Variants in TPRG1 observed in about 807,000 individuals in gnomAD.
TPRG1 encodes tumor protein p63-regulated gene 1 protein.
Under a neutral mutation model 29.3 loss-of-function variants are expected in TPRG1, and 29 were observed. The ratio of observed to expected loss-of-function variants is 0.99; its 90% CI spans 0.74 to 1.35. The LOEUF is 1.35. TPRG1 is among the 40% of genes most tolerant of loss of function. The pLI, the probability that TPRG1 is intolerant of heterozygous loss-of-function variation, is 0.00. For synonymous variants in TPRG1, 130 were observed against 116.8 expected (o/e 1.11, Z -0.73); for missense variants, 327 against 335.0 (o/e 0.98, Z 0.19).
In TPRG1 at chr3:189,324,422, A is replaced by C. The variant is rs1724555246; in HGVS notation, c.*3602A>C. 6.6e-6 allele frequency: 1 copy of C among 152,146 alleles called. No homozygotes were observed. Among genetic ancestry groups the C allele is most frequent in the African/African-American group, 2.4e-5 (1 of 41,436 alleles). The allele number at this position is 152,146 out of a possible 1,614,324, so 9.4% of individuals were successfully genotyped here. A position where few individuals can be genotyped will look rare whatever the true frequency, so the allele number is the denominator to read the frequency against. On this transcript the variant is annotated 3_prime_UTR_variant, in exon 6 of 6. Coordinates refer to ENST00000345063, the MANE Select transcript of TPRG1 (RefSeq NM_198485.4). ...TTCCATGGGAAAGACATGCCATCTG[A>C]ATTGATGTATCGTAGTTGTTGAGAT...
intron 4 of TPRG1, among the ~76,000 whole-genome samples, chr3:189,275,543 G>C (rs1309149376): frequency 6.6e-6 from 1 of 152,120 alleles, no homozygotes; most frequent in Non-Finnish European, 1.5e-5. Flanking sequence ...AGAGGGAAAG[G>C]CTATTCCAGG....
At chr3:189,312,185 T>TTTCTTTCTTTC (rs1560689700) in intron 5 of TPRG1, among the ~76,000 whole-genome samples, 7 of 47,376 alleles carry the variant, frequency 1.5e-4, no homozygotes, top group South Asian at 8.1e-4. Flanking sequence ...TTCTTTCTTT[T>TTTCTTTCTTTC]TTTCTTTCTT....
At chr3:189,014,706 C>G (rs1712829283) in intron 3 of TPRG1, among the ~76,000 whole-genome samples, 1 of 152,140 alleles carries the variant, frequency 6.6e-6, no homozygotes, top group Non-Finnish European at 1.5e-5. Flanking sequence ...TCCCCCTTTG[C>G]TTTCTCTTTC....
intron 1 of TPRG1, among the ~76,000 whole-genome samples, chr3:189,124,546 G>A (rs13064056): frequency 5.6e-5 from 5 of 89,324 alleles, no homozygotes; most frequent in Non-Finnish European, 7.7e-5. Context: ...GACTTTGTGT[G>A]TGTGTGTGTG....
At chr3:189,109,344 G>A (rs1720217169) in intron 1 of TPRG1, among the ~76,000 whole-genome samples, 1 of 152,212 alleles carries the variant, frequency 6.6e-6, no homozygotes, top group South Asian at 2.1e-4. Flanking sequence ...TTGTAAGAGT[G>A]ACGTGGAAAC....
At chr3:189,296,078 A>G (rs1041787341) in intron 4 of TPRG1, among the ~76,000 whole-genome samples, 28 of 152,234 alleles carry the variant, frequency 1.8e-4, no homozygotes, top group African/African-American at 6.0e-4. Context: ...TGGTAAGTCA[A>G]TGCTGGTCTT....
chr3:189,127,063 T>C (rs1431997859), exon 2 of TPRG1: 2 of 152,194 alleles, frequency 1.3e-5, no homozygotes, highest in Non-Finnish European at 2.9e-5. Context: ...ACAGGATTAT[T>C]TATGAGGATG....
chr3:189,129,054 C>A (rs1357611892), intron 2 of TPRG1, among the ~76,000 whole-genome samples: 1 of 152,200 alleles, frequency 6.6e-6, no homozygotes, highest in African/African-American at 2.4e-5. Context: ...ACCCGTGGAA[C>A]AATGATTAAA....
intron 5 of TPRG1, among the ~76,000 whole-genome samples, chr3:189,163,116 A>G (rs1388260429): frequency 2.0e-5 from 3 of 152,098 alleles, no homozygotes; most frequent in Non-Finnish European, 4.4e-5. Flanking sequence ...TACTAAAAAT[A>G]CAAAAAATTA....
chr3:189,179,245 G>C (rs1471183700), intron 1 of TPRG1, among the ~76,000 whole-genome samples: 1 of 152,044 alleles, frequency 6.6e-6, no homozygotes. Context: ...ATTCTACCTG[G>C]TTCTCAAATG....
At chr3:189,055,611 TGTAA>T (rs1715616658) in intron 4 of TPRG1, among the ~76,000 whole-genome samples, 1 of 152,238 alleles carries the variant, frequency 6.6e-6, no homozygotes, top group Admixed American at 6.5e-5. Context: ...GATGGGAATA[TGTAA>T]CATATCAGAC....
At chr3:189,250,708 A>C (rs1742097511) in intron 4 of TPRG1, among the ~76,000 whole-genome samples, 1 of 150,878 alleles carries the variant, frequency 6.6e-6, no homozygotes, top group Admixed American at 6.6e-5. Context: ...GCTGACTCCA[A>C]AGGAGAGCCT....
At chr3:189,115,877 A>T (rs1477385428) in intron 1 of TPRG1, among the ~76,000 whole-genome samples, 1 of 151,956 alleles carries the variant, frequency 6.6e-6, no homozygotes, top group Non-Finnish European at 1.5e-5. Context: ...ACTAATAATT[A>T]AAAAAAATTC....
chr3:189,237,421 C>T (rs1185268881), intron 3 of TPRG1, among the ~76,000 whole-genome samples: 3 of 152,106 alleles, frequency 2.0e-5, no homozygotes, highest in Admixed American at 2.0e-4. Flanking sequence ...CCACATGGTA[C>T]CCATTGCTAA....
At chr3:189,066,955 A>G (rs1431086963) in intron 4 of TPRG1, among the ~76,000 whole-genome samples, 2 of 152,150 alleles carry the variant, frequency 1.3e-5, no homozygotes, top group Non-Finnish European at 2.9e-5. Context: ...TAGAACTCAT[A>G]AACAGATTCA....
chr3:189,292,418 T>C (rs1719171572), intron 4 of TPRG1, among the ~76,000 whole-genome samples: 1 of 152,030 alleles, frequency 6.6e-6, no homozygotes, highest in African/African-American at 2.4e-5. Context: ...AGTGAGTGTG[T>C]TTTCCACATA....
intron 4 of TPRG1, among the ~76,000 whole-genome samples, chr3:189,088,160 GT>G (rs1718087166): frequency 6.6e-6 from 1 of 152,104 alleles, no homozygotes; most frequent in African/African-American, 2.4e-5. Flanking sequence ...CCATTTGTTT[GT>G]TTCCTCTTTT....
intron 5 of TPRG1, among the ~76,000 whole-genome samples, chr3:189,312,181 CTTTTTTT>C (rs1722757255): frequency 3.9e-5 from 2 of 51,448 alleles, no homozygotes; most frequent in African/African-American, 1.5e-4. Flanking sequence ...TTCTTTCTTT[CTTTTTTT>C]CTTTCTTTCT....
chr3:189,063,426 G>C (rs984723580), intron 4 of TPRG1, among the ~76,000 whole-genome samples: 1 of 151,852 alleles, frequency 6.6e-6, no homozygotes, highest in Non-Finnish European at 1.5e-5. Flanking sequence ...GTATCTAAAC[G>C]ACATATGTAA....
Sources: gnomAD v4.1 joint callset for allele counts (sites outside exome capture counted in the v4.1 genomes callset) on GRCh38, gnomAD v4.1.1 for gene constraint, MANE v1.5 for transcripts, NCBI Gene and HGNC (gene_info 2026-07-23, HGNC 2026-07-21) for gene names.